Variants in CEP104 observed in about 807,000 individuals in gnomAD.
CEP104 encodes centrosomal protein of 104 kDa.
In CEP104, 84 loss-of-function variants were observed where a neutral mutation model predicts 113.3. The ratio of observed to expected loss-of-function variants is 0.74; its 90% CI spans 0.62 to 0.89. CEP104 has a LOEUF of 0.89. Ranked by LOEUF, CEP104 falls within the 40% of genes least tolerant of loss-of-function variation. CEP104 has a pLI of 0.00. For missense variants in CEP104, 1,053 were observed against 1,156.6 expected (o/e 0.91, Z 1.30); for synonymous variants, 378 against 421.7 (o/e 0.90, Z 1.27).
chr1:3,826,403 G>C lies in CEP104; in HGVS notation c.2222C>G (p.Ala741Gly). The C allele has an allele frequency of 1.9e-6, 3 of 1,614,016 alleles. No homozygotes were observed. Among genetic ancestry groups the C allele is most frequent in the Non-Finnish European group, 2.5e-6 (3 of 1,179,882 alleles). The stretch of plus-strand genomic sequence containing the variant: ...ATAGTGCTCATCCGGGATTCCCAGA[G>C]CTTCAGCAGGGGCTGCTTTCCCTCC... ...IQGGKAAPAEALGIPDEHYLD... is the reference protein window; with the variant it reads ...IQGGKAAPAEGLGIPDEHYLD... Residue 741 changes from alanine (A) to glycine (G), a missense_variant, in exon 17 of 22, where the codon GCT (alanine) becomes GGT (glycine). Coordinates refer to ENST00000378230, the MANE Select transcript of CEP104 (RefSeq NM_014704.4).
intron 4 of CEP104, 79 bp from the exon 5 acceptor site, chr1:3,845,430 C>CCCTGTCTCAAA: frequency 3.5e-6 from 4 of 1,128,634 alleles, no homozygotes; most frequent in Non-Finnish European, 5.3e-6. Flanking sequence ...TATTTTGAGA[C>CCCTGTCTCAAA]AGGGTCTCGT....
chr1:3,850,540 C>G (rs747546158), intron 2 of CEP104, among the ~76,000 whole-genome samples: 1 of 152,154 alleles, frequency 6.6e-6, no homozygotes, highest in African/African-American at 2.4e-5. Context: ...TTAACCGCCC[C>G]GTCAGTGTCT....
intron 10 of CEP104, 86 bp downstream of exon 10, chr1:3,836,409 T>C (rs2124671347): frequency 7.2e-7 from 1 of 1,386,912 alleles, no homozygotes; most frequent in African/African-American, 1.5e-5. Flanking sequence ...TTCCCTCCTT[T>C]ATGTGTAAGT....
In CEP104 at chr1:3,857,009, G is replaced by A. The variant is rs988293999; in HGVS notation, c.-135C>T. 6.6e-6 allele frequency: 1 copy of A among 152,012 alleles called. No homozygotes were observed. Among genetic ancestry groups the A allele is most frequent in the South Asian group, 2.1e-4 (1 of 4,830 alleles). The allele number at this position is 152,012 out of a possible 1,614,324, so 9.4% of individuals were successfully genotyped here. On this transcript the variant is annotated 5_prime_UTR_variant, in exon 1 of 22. Transcript: ENST00000378230. Reference sequence around the variant, plus strand: ...GCGGCGCCTCAGCACCCGGACCCCAGGGGCGTGCGGGACCCGGCTCTCGTG... The same window carrying A: ...GCGGCGCCTCAGCACCCGGACCCCAAGGGCGTGCGGGACCCGGCTCTCGTG...
At chr1:3,816,706 C>T (rs1316383725) in intron 20 of CEP104, among the ~76,000 whole-genome samples, 23 of 152,248 alleles carry the variant, frequency 1.5e-4, no homozygotes, top group Admixed American at 1.4e-3. Flanking sequence ...AGAGCGCCCG[C>T]GTGATTACGT....
rs6688969 is a variant in CEP104 at position 3,826,827 on chromosome 1, C to T, written c.2152-83G>A. On this transcript the variant is annotated intron_variant, in intron 15 of 21. Coordinates refer to ENST00000378230, the MANE Select transcript of CEP104 (RefSeq NM_014704.4). ...GCCTGTTGAAGATATGTTTTCATCACGAAAGCACATTTCTGGGTTTTGTTT... is the reference window on the plus strand; with the variant it reads ...GCCTGTTGAAGATATGTTTTCATCATGAAAGCACATTTCTGGGTTTTGTTT... 0.33 allele frequency: 456,762 copies of T among 1,394,684 alleles called. 77,451 individuals carry two copies. The highest frequency in any genetic ancestry group is 0.46 in the East Asian group (19,872 of 43,562). The allele number at this position is 1,394,684 out of a possible 1,614,324, so 86.4% of individuals were successfully genotyped here.
chr1:3,823,257 A>G lies in CEP104; in HGVS notation c.2504-16T>C. ...GGTTTGGCAGCTGAAATGATTTTAA[A>G]AAGACTCAGTCGCTCCCTGAATGAC... On this transcript the variant is annotated splice_polypyrimidine_tract_variant and intron_variant, in intron 19 of 21. Transcript: ENST00000378230. This position sits in a 1 kb window ranked among gnomAD's most constrained non-coding sequence, Gnocchi z 4.1. The G allele has an allele frequency of 6.2e-7, 1 of 1,614,160 alleles. No homozygotes were observed. The highest frequency in any genetic ancestry group is 1.1e-5 in the South Asian group (1 of 91,084).
At chr1:3,849,224 C>T (rs1438585924) in intron 2 of CEP104, among the ~76,000 whole-genome samples, 2 of 150,700 alleles carry the variant, frequency 1.3e-5, no homozygotes, top group Non-Finnish European at 1.5e-5. Flanking sequence ...CAAGCCTATG[C>T]TATGGGCCAT....
At position 3,816,253 on chromosome 1, in the gene CEP104, C is replaced by CAG. The variant is rs761237129; in HGVS notation, c.2662+26_2662+27insCT. ...AGTCAAAATGGAGGGATGCAGACTA[C>CAG]ACCTGCTCAGCGGCGCTGTCCCTCA... On this transcript the variant is annotated intron_variant, in intron 21 of 21. Coordinates refer to ENST00000378230, the MANE Select transcript of CEP104 (RefSeq NM_014704.4). 6 of 1,540,674 alleles carry CAG rather than the reference C, an allele frequency of 3.9e-6. No homozygotes were observed. The South Asian group carries it at 7.2e-5, about 19-fold the overall frequency.
chr1:3,831,956 C>T (rs181021504), intron 12 of CEP104, among the ~76,000 whole-genome samples: 151 of 152,310 alleles, frequency 9.9e-4, no homozygotes, highest in African/African-American at 3.5e-3. Context: ...GAAGTTTGGA[C>T]AGTAAACTCC....
At chr1:3,846,266 TGAG>T (rs1351873508) in intron 4 of CEP104, among the ~76,000 whole-genome samples, 1 of 152,138 alleles carries the variant, frequency 6.6e-6, no homozygotes, top group East Asian at 1.9e-4. Flanking sequence ...GAGTCTCACC[TGAG>T]GTGGGGAGTC....
chr1:3,825,763 T>A lies in CEP104; in HGVS notation c.2359A>T (p.Lys787Ter), dbSNP rs1252713753. 5.6e-6 allele frequency: 9 copies of A among 1,609,070 alleles called. No individual in the cohort carries two copies. Among genetic ancestry groups the A allele is most frequent in the Non-Finnish European group, 7.7e-6 (9 of 1,175,368 alleles). ...CLMLTRCDHC[K>*]QVVEISSLTE... is the part of the protein sequence containing the mutation. The stretch of plus-strand genomic sequence containing the variant: ...TGCTGTGCCGCTGGCCTGACCTGTT[T>A]GCAGTGGTCACATCTTGTCAGCATG... The change falls in exon 18 of 22, where the codon AAA (lysine) becomes TAA (stop). Residue 787 changes from lysine to a stop codon, truncating the protein, a stop_gained. Coordinates refer to ENST00000378230, the MANE Select transcript of CEP104 (RefSeq NM_014704.4). LOFTEE classifies it high-confidence loss of function.
In CEP104 at chr1:3,847,567, C is replaced by A. The variant is rs748689239; in HGVS notation, c.334G>T (p.Glu112Ter). Residue 112 changes from glutamate to a stop codon, truncating the protein, a stop_gained, in exon 4 of 22, where the codon GAA becomes TAA. Transcript: ENST00000378230. LOFTEE classifies it high-confidence loss of function. The part of the protein sequence containing the change: ...DNEKTGCKAR[E>*]LKSVYVDAVG... ...GCATCCACATAAACTGATTTTAGTT[C>A]CCGGGCTTTGCAACCTGTCTTTTCA... 1 of 1,613,848 alleles carries A rather than the reference C, an allele frequency of 6.2e-7. No homozygotes were observed. Among genetic ancestry groups the A allele is most frequent in the South Asian group, 1.1e-5 (1 of 90,992 alleles).
chr1:3,826,734 C>T lies in CEP104; in HGVS notation c.2162G>A (p.Ser721Asn). Residue 721 changes from serine to asparagine, a missense_variant, in exon 16 of 22, where the codon AGT becomes AAT. By Grantham distance (46) the Ser-to-Asn change is conservative (BLOSUM62 1). Coordinates refer to ENST00000378230, the MANE Select transcript of CEP104 (RefSeq NM_014704.4). ...CTGATTCTTTGGCTTCACAGCATCA[C>T]TTTCTTTTTCCTAAGACACAGAAAC... ...EIQAEVQEKESDAVKPKNQDI... is the reference protein window; with the variant it reads ...EIQAEVQEKENDAVKPKNQDI... 1 of 1,614,162 alleles carries T rather than the reference C, an allele frequency of 6.2e-7. No homozygotes were observed. The highest frequency in any genetic ancestry group is 8.5e-7 in the Non-Finnish European group (1 of 1,179,988).
chr1:3,815,046 C>T lies in CEP104; in HGVS notation c.*356G>A, dbSNP rs895123708. The T allele has an allele frequency of 4.5e-6, 1 of 221,846 alleles. No homozygotes were observed. Among genetic ancestry groups the T allele is most frequent in the Non-Finnish European group, 9.1e-6 (1 of 110,238 alleles). 13.7% of individuals were successfully genotyped at this position (221,846 alleles called of 1,614,324 possible). ...AAATTGCTCCAAGCACTAAGGAAAG[C>T]GGGACCGTGCCTGTGCTGACCGTGG... On this transcript the variant is annotated 3_prime_UTR_variant, in exon 22 of 22. Coordinates refer to ENST00000378230, the MANE Select transcript of CEP104 (RefSeq NM_014704.4).
chr1:3,826,291 G>T, intron 17 of CEP104, 79 bp downstream of exon 17: 1 of 1,237,306 alleles, frequency 8.1e-7, no homozygotes, highest in Non-Finnish European at 1.2e-6. Flanking sequence ...AACTAGGGAG[G>T]ACGCATTCCC....
At chr1:3,828,464 C>G (rs894650740) in intron 15 of CEP104, among the ~76,000 whole-genome samples, 1 of 152,210 alleles carries the variant, frequency 6.6e-6, no homozygotes, top group East Asian at 1.9e-4. Flanking sequence ...AGCCTATATT[C>G]AGCCACATTT....
chr1:3,854,173 G>A (rs1219269861), intron 1 of CEP104, among the ~76,000 whole-genome samples: 1 of 152,090 alleles, frequency 6.6e-6, no homozygotes, highest in Non-Finnish European at 1.5e-5. Context: ...TATCAGGCCT[G>A]CCCTTCCTTC....
In CEP104 at chr1:3,819,563, G is replaced by A. The variant is rs1643932290; in HGVS notation, c.2572-3193C>T. 6.6e-6 allele frequency among the ~76,000 whole-genome samples: 1 copy of A among 152,136 alleles called. No individual in the cohort carries two copies. The highest frequency in any genetic ancestry group is 2.4e-5 in the African/African-American group (1 of 41,442). ...AAATCCCAGCCAAACACAAATACTA[G>A]AATTGGAAAGTACCAGATTGAAAAT... On this transcript the variant is annotated intron_variant, in intron 20 of 21. Transcript: ENST00000378230. This position sits in a 1 kb window ranked among gnomAD's most constrained non-coding sequence, Gnocchi z 4.6.
Sources: gnomAD v4.1 joint callset for allele counts (sites outside exome capture counted in the v4.1 genomes callset) on GRCh38, gnomAD v4.1.1 for gene constraint, Gnocchi (gnomAD v3.1) non-coding constraint, MANE v1.5 for transcripts, NCBI Gene and HGNC (gene_info 2026-07-23, HGNC 2026-07-21) for gene names.